PGAM5: variants seen among roughly 807,000 people sequenced by gnomAD.
The protein encoded by PGAM5 is serine/threonine-protein phosphatase PGAM5, mitochondrial.
A neutral mutation model predicts 30.6 loss-of-function variants in PGAM5; 25 were observed. The observed-to-expected ratio is 0.82, with a 90% confidence interval of 0.60 to 1.14. The LOEUF (loss-of-function observed/expected upper bound fraction) is 1.14, where lower values mean the gene tolerates loss of function less well. Ranked by LOEUF, PGAM5 falls within the 50% of genes most tolerant of loss-of-function variation. The pLI is 0.00. For synonymous variants in PGAM5, 201 were observed against 179.1 expected (o/e 1.12, Z -0.98); for missense variants, 384 against 408.5 (o/e 0.94, Z 0.52).
Position 132,717,482 on chromosome 12 carries a change from G to A in PGAM5, c.414G>A (p.Leu138=), listed in dbSNP as rs747620537. The A allele has an allele frequency of 4.3e-6, 7 of 1,610,248 alleles. No homozygotes were observed. The highest frequency in any genetic ancestry group is 5.1e-6 in the Non-Finnish European group (6 of 1,179,922). Residue 138 remains leucine, a synonymous_variant, in exon 3 of 6, where the codon TTG becomes TTA. Transcript: ENST00000498926. ...AELTGLRLAS[L]GLKFNKIVHS... The stretch of plus-strand genomic sequence containing the variant: ...TCACTGGGCTCCGCCTGGCAAGCTT[G>A]GGGTTGAAGTTTAATAAAATCGTCC...
Position 132,720,910 on chromosome 12 carries a change from A to G in PGAM5, c.*82A>G. 1 of 1,442,820 alleles carries G rather than the reference A, an allele frequency of 6.9e-7. No individual in the cohort carries two copies. The highest frequency in any genetic ancestry group is 2.5e-5 in the East Asian group (1 of 39,382). The allele number at this position is 1,442,820 out of a possible 1,614,324, so 89.4% of individuals were successfully genotyped here. A position where few individuals can be genotyped will look rare whatever the true frequency, so the allele number is the denominator to read the frequency against. ...TTTTGTTCCCAAGGAGACCGGCGGA[A>G]AGTAGAAACCTGCAATGCTGCATCT... On this transcript the variant is annotated 3_prime_UTR_variant, in exon 6 of 6. Coordinates refer to ENST00000498926, the MANE Select transcript of PGAM5 (RefSeq NM_001170543.2).
Position 132,718,127 on chromosome 12 carries a change from A to T in PGAM5, c.719+7A>T. On this transcript the variant is annotated splice_region_variant and intron_variant, in intron 5 of 5. Coordinates refer to ENST00000498926, the MANE Select transcript of PGAM5 (RefSeq NM_001170543.2). Reference sequence around the variant, plus strand: ...TCCGCTACATCGTGTGCAGGTAGGCAGCTGCTGGGCTGGGCGTGGTCTAAA... The same window carrying T: ...TCCGCTACATCGTGTGCAGGTAGGCTGCTGCTGGGCTGGGCGTGGTCTAAA... 6.2e-7 allele frequency: 1 copy of T among 1,612,508 alleles called. No individual in the cohort carries two copies. The highest frequency in any genetic ancestry group is 2.2e-5 in the East Asian group (1 of 44,792).
At chr12:132,718,733 T>C in intron 5 of PGAM5, 2 of 1,612,818 alleles carry the variant, frequency 1.2e-6, no homozygotes, top group African/African-American at 2.7e-5. Flanking sequence ...ACCAACCACC[T>C]TCTGCCTCCG....
Position 132,710,884 on chromosome 12 carries a change from T to G in PGAM5, c.8T>G (p.Phe3Cys), listed in dbSNP as rs1328153750. 5.3e-6 allele frequency: 6 copies of G among 1,135,332 alleles called. No individual in the cohort carries two copies. The South Asian group carries it at 1.7e-4, about 32-fold the overall frequency. 70.3% of individuals were successfully genotyped at this position (1,135,332 alleles called of 1,614,324 possible). A position where few individuals can be genotyped will look rare whatever the true frequency, so the allele number is the denominator to read the frequency against. ...GGCGCGGGAGCAAGCGGCATGGCGT[T>G]CCGGCAGGCGCTGCAGCTGGCGGCC... The part of the protein sequence containing the change: MA[F>C]RQALQLAACG... The change falls in exon 1 of 6, where the codon TTC becomes TGC. Residue 3 changes from phenylalanine (F) to cysteine (C), a missense_variant. Transcript: ENST00000498926.
At position 132,717,699 on chromosome 12, in the gene PGAM5, C is replaced by G; in HGVS notation, c.497-11C>G. On this transcript the variant is annotated splice_polypyrimidine_tract_variant and intron_variant, in intron 3 of 5. Transcript: ENST00000498926. The stretch of plus-strand genomic sequence containing the variant: ...CCGCCTCACCCAGCGCTTCGCTGTG[C>G]TTCTCTGCAGGCGTCTGCAAAGTCA... 6.4e-7 allele frequency: 1 copy of G among 1,568,480 alleles called. No homozygotes were observed. Among genetic ancestry groups the G allele is most frequent in the Non-Finnish European group, 8.6e-7 (1 of 1,156,348 alleles).
chr12:132,715,674 T>A (rs1308280693), intron 2 of PGAM5, among the ~76,000 whole-genome samples: 1 of 151,540 alleles, frequency 6.6e-6, no homozygotes, highest in African/African-American at 2.4e-5. Context: ...AGGTCAGGAG[T>A]TCGAGACCAG....
intron 2 of PGAM5, 96 bp downstream of exon 2, chr12:132,715,132 TCCGCCGAC>T: frequency 7.7e-7 from 1 of 1,292,036 alleles, no homozygotes; most frequent in Non-Finnish European, 1.1e-6. Flanking sequence ...GTGCAGGTCC[TCCGCCGAC>T]CCCCTTGGTC....
chr12:132,715,873 C>T lies in PGAM5; in HGVS notation c.370+837C>T, dbSNP rs531199840. ...TAGCCTAGGTAACAGAGTGAGACTC[C>T]GTCTCAAAAAAAAAAAGCCCTTAAC... is the stretch of plus-strand genomic sequence containing the variant. On this transcript the variant is annotated intron_variant, in intron 2 of 5. Transcript: ENST00000498926. Among the ~76,000 whole-genome samples the T allele has an allele frequency of 5.3e-5, 8 of 151,324 alleles. No individual in the cohort carries two copies. In the South Asian group the frequency reaches 1.0e-3, roughly 20 times the overall value.
chr12:132,711,113 G>T (rs1412066420), intron 1 of PGAM5, 46 bp downstream of exon 1: 1 of 1,181,222 alleles, frequency 8.5e-7, no homozygotes, highest in Non-Finnish European at 1.1e-6. Flanking sequence ...GGGGGTCAGG[G>T]CAGGTGTTAC....
At chr12:132,716,307 T>A (rs541739203) in intron 2 of PGAM5, among the ~76,000 whole-genome samples, 3 of 151,942 alleles carry the variant, frequency 2.0e-5, no homozygotes, top group Admixed American at 6.6e-5. Flanking sequence ...GGATGGTCTC[T>A]ATCTCCTGAC....
intron 5 of PGAM5, among the ~76,000 whole-genome samples, 160 bp downstream of exon 5, chr12:132,718,280 G>A (rs1443567135): frequency 6.6e-6 from 1 of 150,546 alleles, no homozygotes; most frequent in Non-Finnish European, 1.5e-5. Context: ...AGTCAGTTAC[G>A]CGGTAGGTGG....
At chr12:132,715,736 G>A (rs140509552) in intron 2 of PGAM5, among the ~76,000 whole-genome samples, 2,358 of 151,982 alleles carry the variant, frequency 0.016, 48 homozygotes, top group African/African-American at 0.052. Flanking sequence ...AAAATTAGCC[G>A]GGTGCAGTGG....
chr12:132,711,993 ACTC>A (rs2043527443), intron 1 of PGAM5, among the ~76,000 whole-genome samples: 2 of 152,186 alleles, frequency 1.3e-5, no homozygotes, highest in African/African-American at 2.4e-5. Flanking sequence ...CCCAGTCCTA[ACTC>A]CTCATTATAC....
chr12:132,716,657 G>A (rs553654671), intron 2 of PGAM5, among the ~76,000 whole-genome samples: 1 of 152,338 alleles, frequency 6.6e-6, no homozygotes, highest in African/African-American at 2.4e-5. Context: ...GTGTCCCTGT[G>A]CAGGTGGATC....
chr12:132,714,651 G>C, intron 1 of PGAM5: 1 of 562,352 alleles, frequency 1.8e-6, no homozygotes, highest in Non-Finnish European at 3.2e-6. Context: ...GCTCTCCAGC[G>C]CATCACTCAG....
At position 132,714,495 on chromosome 12, in the gene PGAM5, C is replaced by G. The variant is rs529208517; in HGVS notation, c.192-363C>G. Among the ~76,000 whole-genome samples the G allele has an allele frequency of 1.4e-4, 21 of 152,352 alleles. No homozygotes were observed. The East Asian group carries it at 4.0e-3, about 29-fold the overall frequency. ...CCCATCTTGGCCCCGTGGACACTTT[C>G]CGCCTGCGCCCCGATAGCCGCTGTC... On this transcript the variant is annotated intron_variant, in intron 1 of 5. Transcript: ENST00000498926.
At chr12:132,717,165 G>A (rs943146041) in intron 2 of PGAM5, among the ~76,000 whole-genome samples, 5 of 152,198 alleles carry the variant, frequency 3.3e-5, no homozygotes, top group African/African-American at 1.2e-4. Flanking sequence ...CTCCATTGGT[G>A]GAATCAGATG....
chr12:132,720,400 C>T (rs1033106600), intron 5 of PGAM5, among the ~76,000 whole-genome samples: 9 of 151,952 alleles, frequency 5.9e-5, no homozygotes, highest in Admixed American at 5.2e-4. Context: ...CTCCGCCTCC[C>T]GGGTTCACGC....
chr12:132,720,521 A>T (rs1053784078), intron 5 of PGAM5, among the ~76,000 whole-genome samples, 157 bp from the exon 6 acceptor site: 5 of 151,582 alleles, frequency 3.3e-5, no homozygotes, highest in African/African-American at 1.2e-4. Flanking sequence ...GTTAGCTGGG[A>T]TGGTCTCGAT....
Sources: gnomAD v4.1 joint callset for allele counts (sites outside exome capture counted in the v4.1 genomes callset) on GRCh38, gnomAD v4.1.1 for gene constraint, MANE v1.5 for transcripts, NCBI Gene and HGNC (gene_info 2026-07-23, HGNC 2026-07-21) for gene names.